MTR: variants seen among roughly 807,000 people sequenced by gnomAD.
The protein encoded by MTR is 5-methyltetrahydrofolate-homocysteine methyltransferase, also known as methionine synthase.
MTR carries 84 observed loss-of-function variants against 154.8 expected under a neutral mutation model. That is an observed-to-expected ratio of 0.54 (90% CI 0.45 to 0.65). The LOEUF is 0.65. Among genes scored for constraint, MTR ranks in the 30% least tolerant of loss-of-function variants. The pLI, the probability that MTR is intolerant of heterozygous loss-of-function variation, is 0.00. For missense variants in MTR, 1,275 were observed against 1,570.2 expected (o/e 0.81, Z 3.18); for synonymous variants, 554 against 553.9 (o/e 1.00, Z 0.00).
At position 236,815,585 on chromosome 1, in the gene MTR, T is replaced by G. The variant is rs776678453; in HGVS notation, c.610-19T>G. ...CACACTCTCAGAAATAAAGACGTTC[T>G]TTCTTTTTTCCCTGACAGGCAGCCT... On this transcript the variant is annotated intron_variant, in intron 6 of 32. Transcript: ENST00000366577. 1 of 1,613,734 alleles carries G rather than the reference T, an allele frequency of 6.2e-7. No homozygotes were observed. The highest frequency in any genetic ancestry group is 8.5e-7 in the Non-Finnish European group (1 of 1,179,670).
intron 10 of MTR, 113 bp from the exon 11 acceptor site, chr1:236,826,713 CTTT>C: frequency 1.2e-6 from 1 of 812,924 alleles, no homozygotes; most frequent in Admixed American, 1.9e-5. Context: ...GTTTGACTCT[CTTT>C]TTAGTATAGT....
chr1:236,864,655 A>G (rs1354583922), intron 22 of MTR, among the ~76,000 whole-genome samples: 1 of 152,250 alleles, frequency 6.6e-6, no homozygotes, highest in African/African-American at 2.4e-5. Context: ...AATTTTACCT[A>G]TATAATAAAT....
intron 27 of MTR, among the ~76,000 whole-genome samples, chr1:236,887,883 T>C (rs1187496005): frequency 6.6e-6 from 1 of 152,256 alleles, no homozygotes; most frequent in African/African-American, 2.4e-5. Flanking sequence ...TGCAGCAGCA[T>C]GTTCTCTCTG....
At chr1:236,852,922 C>G (rs1311089145) in intron 17 of MTR, 26 bp from the exon 18 acceptor site, 2 of 1,613,610 alleles carry the variant, frequency 1.2e-6, no homozygotes, top group Non-Finnish European at 1.7e-6. Context: ...ACTGTAAATT[C>G]TCATTTTTAT....
At chr1:236,796,609 T>C (rs1386677381) in intron 1 of MTR, among the ~76,000 whole-genome samples, 1 of 151,142 alleles carries the variant, frequency 6.6e-6, no homozygotes, top group Non-Finnish European at 1.5e-5. Context: ...GGTGACTCTC[T>C]TGATTCTTGG....
At chr1:236,857,671 A>ACC (rs1458839857) in intron 18 of MTR, among the ~76,000 whole-genome samples, 2 of 152,200 alleles carry the variant, frequency 1.3e-5, no homozygotes, top group Non-Finnish European at 2.9e-5. Context: ...AGAGAGATGT[A>ACC]CCCCTACCCT....
intron 27 of MTR, 138 bp downstream of exon 27, chr1:236,886,505 G>A: frequency 1.3e-6 from 1 of 783,928 alleles, no homozygotes. Flanking sequence ...ATGAGTGACT[G>A]ATGACTGGAA....
Position 236,842,413 on chromosome 1 carries a change from T to C in MTR, c.1515+3814T>C, listed in dbSNP as rs113687089. Among the ~76,000 whole-genome samples the C allele has an allele frequency of 4.7e-3, 709 of 152,272 alleles. 11 individuals are homozygous for C. Among genetic ancestry groups the C allele is most frequent in the African/African-American group, 0.017 (686 of 41,548 alleles). On this transcript the variant is annotated intron_variant, in intron 15 of 32. Transcript: ENST00000366577. The stretch of plus-strand genomic sequence containing the variant: ...TTTTGGTACATATATTATTGAGATA[T>C]TGAATGTTTTGGACAGGTTGCCTAA...
chr1:236,811,950 G>A (rs959266312), intron 5 of MTR, among the ~76,000 whole-genome samples: 3 of 152,192 alleles, frequency 2.0e-5, no homozygotes, highest in African/African-American at 7.2e-5. Context: ...GCATTATCTT[G>A]GCTTACTGCA....
chr1:236,834,873 G>A (rs1399941233), intron 13 of MTR, among the ~76,000 whole-genome samples: 2 of 152,158 alleles, frequency 1.3e-5, no homozygotes, highest in African/African-American at 4.8e-5. Flanking sequence ...GCTGTATTCT[G>A]TTTTGGGAAG....
chr1:236,853,022 G>T lies in MTR; in HGVS notation c.1887G>T (p.Gln629His), dbSNP rs996573287. 6.2e-7 allele frequency: 1 copy of T among 1,614,080 alleles called. No individual in the cohort carries two copies. The highest frequency in any genetic ancestry group is 8.5e-7 in the Non-Finnish European group (1 of 1,179,966). ...ATGATATCCATAAGGAACTTCTGCA[G>T]CTCTGTGAAGATCTCATCTGGAATA... ...VYDDIHKELL[Q>H]LCEDLIWNKD... Residue 629 changes from glutamine to histidine, a missense_variant, in exon 18 of 33, where the codon CAG becomes CAT. By Grantham distance (24) the Gln-to-His change is conservative. Transcript: ENST00000366577.
chr1:236,822,214 T>G (rs1661999189), intron 8 of MTR, among the ~76,000 whole-genome samples: 2 of 149,720 alleles, frequency 1.3e-5, no homozygotes, highest in Non-Finnish European at 3.0e-5. Flanking sequence ...TAGATCCACT[T>G]TGATATCTTA....
In MTR at chr1:236,795,590, G is replaced by A. The variant is rs1660325226; in HGVS notation, c.-114G>A. ...CCAACGGGAGGCGTCAAAAGACCCG[G>A]GCCTTGTGTGGCAGGCTCGCCTGGC... On this transcript the variant is annotated 5_prime_UTR_variant, in exon 1 of 33. Transcript: ENST00000366577. The A allele has an allele frequency of 6.3e-7, 1 of 1,592,584 alleles. No individual in the cohort carries two copies. The highest frequency in any genetic ancestry group is 1.7e-5 in the Admixed American group (1 of 58,412).
At chr1:236,851,954 A>G (rs2103249352) in intron 16 of MTR, among the ~76,000 whole-genome samples, 1 of 152,222 alleles carries the variant, frequency 6.6e-6, no homozygotes, top group Non-Finnish European at 1.5e-5. Context: ...TTATATATGT[A>G]TCTTAGACAT....
chr1:236,895,236 C>T, intron 30 of MTR, 122 bp from the exon 31 acceptor site: 1 of 1,078,960 alleles, frequency 9.3e-7, no homozygotes, highest in Non-Finnish European at 1.4e-6. Flanking sequence ...TGTCAAATTT[C>T]CCCTGGCTGT....
intron 27 of MTR, among the ~76,000 whole-genome samples, chr1:236,886,876 T>TAA (rs1558339932): frequency 6.6e-6 from 1 of 152,086 alleles, no homozygotes; most frequent in African/African-American, 2.4e-5. Flanking sequence ...CGCCTTTGCA[T>TAA]TCACACATCT....
Position 236,874,708 on chromosome 1 carries a change from T to TAAAAA in MTR, c.2474-8_2474-4dup. ...ACTGTCCTTTTTGTCCTTTTTTTTT[T>TAAAAA]AAAAAAAAAAAAAATAGATATAATT... On this transcript the variant is annotated splice_polypyrimidine_tract_variant and intron_variant, in intron 23 of 32. Transcript: ENST00000366577. The TAAAAA allele has an allele frequency of 8.2e-7, 1 of 1,223,492 alleles. No homozygotes were observed. The highest frequency in any genetic ancestry group is 1.8e-5 in the South Asian group (1 of 56,694). 75.8% of individuals were successfully genotyped at this position (1,223,492 alleles called of 1,614,324 possible).
rs1666996600 is a variant in MTR at position 236,903,190 on chromosome 1, G to A, written c.*5546G>A. On this transcript the variant is annotated 3_prime_UTR_variant, in exon 33 of 33. Transcript: ENST00000366577. ...GAAATTTTTAAGTGGTTACCTCCAC[G>A]GAATGGGATTAGGGGATCAGAGGTG... 2 of 152,318 alleles carry A rather than the reference G, an allele frequency of 1.3e-5. 1 individual carries two copies. Among genetic ancestry groups the A allele is most frequent in the Middle Eastern group, 6.8e-3 (2 of 294 alleles). The allele number at this position is 152,318 out of a possible 1,614,324, so 9.4% of individuals were successfully genotyped here. A position where few individuals can be genotyped will look rare whatever the true frequency, so the allele number is the denominator to read the frequency against.
intron 15 of MTR, among the ~76,000 whole-genome samples, chr1:236,841,661 T>C (rs1663243242): frequency 6.6e-6 from 1 of 151,652 alleles, no homozygotes; most frequent in Non-Finnish European, 1.5e-5. Context: ...TTTTTTTTTT[T>C]AGTCATTTGG....
Sources: gnomAD v4.1 joint callset for allele counts (sites outside exome capture counted in the v4.1 genomes callset) on GRCh38, gnomAD v4.1.1 for gene constraint, MANE v1.5 for transcripts, NCBI Gene and HGNC (gene_info 2026-07-23, HGNC 2026-07-21) for gene names.